Variants in DOCK1 observed in about 807,000 individuals in gnomAD.
The protein encoded by DOCK1 is dedicator of cytokinesis protein 1.
Under a neutral mutation model 262.7 loss-of-function variants are expected in DOCK1, and 138 were observed. The observed-to-expected ratio is 0.53, with a 90% confidence interval of 0.46 to 0.61. The LOEUF (loss-of-function observed/expected upper bound fraction) is 0.61, where lower values mean the gene tolerates loss of function less well. Among genes scored for constraint, DOCK1 ranks in the 20% least tolerant of loss-of-function variants. The pLI is 0.00. For synonymous variants in DOCK1, 866 were observed against 867.4 expected (o/e 1.00, Z 0.03); for missense variants, 1,908 against 2,370.7 (o/e 0.80, Z 4.05).
intron 1 of DOCK1, among the ~76,000 whole-genome samples, chr10:126,916,827 A>C (rs867889853): frequency 2.0e-4 from 30 of 152,110 alleles, no homozygotes; most frequent in South Asian, 1.0e-3. Flanking sequence ...AGTCTGATAC[A>C]GCCAACTCTT....
Position 127,415,294 on chromosome 10 carries a change from GCCACGCCTT to G in DOCK1, c.4515+58_4515+66del. 5.2e-6 allele frequency: 8 copies of G among 1,547,416 alleles called. No homozygotes were observed. The East Asian group carries it at 1.6e-4, about 31-fold the overall frequency. On this transcript the variant is annotated intron_variant, in intron 44 of 51. Coordinates refer to ENST00000623213, the MANE Select transcript of DOCK1 (RefSeq NM_001290223.2). ...TCCGTTCCCTTCCTCAATACAGTCT[GCCACGCCTT>G]CTTCACCTGCTCATGCCCCGTGGTC...
chr10:127,242,357 TTC>T (rs2059293330), intron 27 of DOCK1, among the ~76,000 whole-genome samples: 1 of 152,214 alleles, frequency 6.6e-6, no homozygotes, highest in African/African-American at 2.4e-5. Context: ...CTCCCTGTTT[TTC>T]TCTTTCATAT....
chr10:127,267,860 A>AGT (rs1461885565), intron 29 of DOCK1, among the ~76,000 whole-genome samples: 1 of 152,218 alleles, frequency 6.6e-6, no homozygotes, highest in Non-Finnish European at 1.5e-5. Flanking sequence ...AGGTCTGTGC[A>AGT]GTATAGGACC....
At chr10:127,299,674 C>T (rs972236179) in intron 29 of DOCK1, among the ~76,000 whole-genome samples, 1 of 152,138 alleles carries the variant, frequency 6.6e-6, no homozygotes, top group East Asian at 1.9e-4. Flanking sequence ...TTTAAGCCCC[C>T]CAGCTTGTGG....
chr10:127,044,899 A>G (rs147898813), intron 21 of DOCK1, among the ~76,000 whole-genome samples: 91 of 152,298 alleles, frequency 6.0e-4, no homozygotes, highest in African/African-American at 2.1e-3. Context: ...GACTGAGATA[A>G]GAATAGTATC....
At chr10:127,137,616 C>G (rs766803598) in intron 27 of DOCK1, 16 of 460,008 alleles carry the variant, frequency 3.5e-5, no homozygotes, top group Non-Finnish European at 6.1e-5. Flanking sequence ...TTACATCCCA[C>G]ATCAGTGAAC....
chr10:127,451,690 G>T lies in DOCK1; in HGVS notation c.*263G>T. 1 of 626,018 alleles carries T rather than the reference G, an allele frequency of 1.6e-6. No individual in the cohort carries two copies. The highest frequency in any genetic ancestry group is 2.5e-6 in the Non-Finnish European group (1 of 401,538). The allele number at this position is 626,018 out of a possible 1,614,324, so 38.8% of individuals were successfully genotyped here. On this transcript the variant is annotated 3_prime_UTR_variant, in exon 52 of 52. Transcript: ENST00000623213. Reference sequence around the variant, plus strand: ...AGTTGGGGGCCTCTGAGTGTGTCTGGCTCTGAGAGAGTCTGAGTCTTGCCC... The same window carrying T: ...AGTTGGGGGCCTCTGAGTGTGTCTGTCTCTGAGAGAGTCTGAGTCTTGCCC...
intron 24 of DOCK1, among the ~76,000 whole-genome samples, 189 bp downstream of exon 24, chr10:127,106,490 T>G (rs935658598): frequency 1.3e-5 from 2 of 152,170 alleles, no homozygotes; most frequent in Non-Finnish European, 2.9e-5. Flanking sequence ...GTGGAAAAGG[T>G]ATCACCAGTC....
intron 1 of DOCK1, among the ~76,000 whole-genome samples, chr10:126,965,354 G>T (rs1284108901): frequency 6.6e-6 from 1 of 152,128 alleles, no homozygotes; most frequent in African/African-American, 2.4e-5. Flanking sequence ...AGGGTGAGGG[G>T]GCTGAGATGA....
intron 29 of DOCK1, among the ~76,000 whole-genome samples, chr10:127,323,264 C>T (rs1335790460): frequency 1.3e-5 from 2 of 152,114 alleles, no homozygotes; most frequent in Non-Finnish European, 2.9e-5. Context: ...TCCCCGTGGC[C>T]GCCCTGCCTG....
chr10:127,369,563 G>A (rs1219178553), intron 33 of DOCK1, among the ~76,000 whole-genome samples: 1 of 152,206 alleles, frequency 6.6e-6, no homozygotes, highest in East Asian at 1.9e-4. Context: ...CAGCCCTAAA[G>A]TCACTCTTTA....
At chr10:127,148,055 A>G (rs1277604641) in intron 27 of DOCK1, among the ~76,000 whole-genome samples, 1 of 145,934 alleles carries the variant, frequency 6.9e-6, no homozygotes, top group African/African-American at 2.7e-5. Context: ...AAAAAAAAAA[A>G]AAAATTCCAC....
At chr10:126,919,950 G>A (rs192197447) in intron 1 of DOCK1, among the ~76,000 whole-genome samples, 32 of 152,256 alleles carry the variant, frequency 2.1e-4, no homozygotes, top group African/African-American at 7.2e-4. Flanking sequence ...TCTGTTGGTG[G>A]GGAGTTACGT....
chr10:127,399,027 C>T (rs762747366), intron 38 of DOCK1, among the ~76,000 whole-genome samples: 9 of 152,102 alleles, frequency 5.9e-5, no homozygotes, highest in Non-Finnish European at 1.3e-4. Context: ...CTTCCTGAAA[C>T]CAAGAGGTTC....
intron 29 of DOCK1, among the ~76,000 whole-genome samples, chr10:127,312,789 T>C (rs2062111558): frequency 6.8e-6 from 1 of 146,914 alleles, no homozygotes; most frequent in Non-Finnish European, 1.5e-5. Flanking sequence ...CAGATGGTCT[T>C]CCCCCTCACA....
intron 25 of DOCK1, among the ~76,000 whole-genome samples, chr10:127,114,757 T>G: frequency 1.0e-5 from 1 of 99,858 alleles, no homozygotes; most frequent in African/African-American, 3.5e-5. Context: ...TTTTTTTTCT[T>G]TCTTTTTTTT....
chr10:127,062,991 G>A (rs1356500370), intron 23 of DOCK1, among the ~76,000 whole-genome samples: 1 of 152,154 alleles, frequency 6.6e-6, no homozygotes, highest in Non-Finnish European at 1.5e-5. Context: ...TCACTGGTGT[G>A]GAAGTGCCTG....
intron 47 of DOCK1, among the ~76,000 whole-genome samples, chr10:127,428,937 G>A (rs1179709258): frequency 6.2e-5 from 9 of 144,048 alleles, no homozygotes; most frequent in East Asian, 2.2e-4. Flanking sequence ...TGTGGATTGT[G>A]CCGTGTGGAT....
intron 30 of DOCK1, 77 bp from the exon 31 acceptor site, chr10:127,343,569 T>C (rs564947001): frequency 9.6e-5 from 112 of 1,171,116 alleles, no homozygotes; most frequent in Non-Finnish European, 1.2e-4. Flanking sequence ...GAGCAAATGA[T>C]AAATGTCTGA....
Sources: allele counts gnomAD v4.1 joint callset (sites outside exome capture counted in the v4.1 genomes callset), GRCh38; gene constraint gnomAD v4.1.1; transcripts MANE v1.5; gene names NCBI Gene and HGNC (gene_info 2026-07-23, HGNC 2026-07-21).